The following CDH10 variants were observed in gnomAD, a reference collection of about 807,000 sequenced individuals.
The protein encoded by CDH10 is cadherin 10.
In CDH10, 30 loss-of-function variants were observed where a neutral mutation model predicts 73.1. The observed-to-expected ratio is 0.41, with a 90% confidence interval of 0.31 to 0.56. CDH10 has a LOEUF of 0.56. CDH10 is among the 20% of genes least tolerant of loss of function. CDH10 has a pLI of 0.27. For synonymous variants in CDH10, 345 were observed against 348.2 expected (o/e 0.99, Z 0.10); for missense variants, 815 against 973.7 (o/e 0.84, Z 2.17).
At chr5:24,548,444 A>G (rs560814703) in intron 2 of CDH10, among the ~76,000 whole-genome samples, 4 of 143,628 alleles carry the variant, frequency 2.8e-5, no homozygotes, top group South Asian at 2.2e-4. Context: ...CAGAGCTTCT[A>G]TGCTATAGTC....
At chr5:24,522,405 G>T (rs1376319437) in intron 5 of CDH10, among the ~76,000 whole-genome samples, 6 of 151,988 alleles carry the variant, frequency 3.9e-5, no homozygotes, top group Middle Eastern at 3.2e-3. Context: ...ACCTAGTAAA[G>T]AATGCATTCT....
intron 1 of CDH10, among the ~76,000 whole-genome samples, chr5:24,617,321 C>T (rs770479561): frequency 6.6e-6 from 1 of 152,024 alleles, no homozygotes; most frequent in African/African-American, 2.4e-5. Context: ...AAAATTACCC[C>T]AAATGGAGAA....
At chr5:24,602,153 CACT>C (rs1746586379) in intron 1 of CDH10, among the ~76,000 whole-genome samples, 1 of 152,132 alleles carries the variant, frequency 6.6e-6, no homozygotes, top group Non-Finnish European at 1.5e-5. Context: ...CTAAACTAAT[CACT>C]ACAACAAAAA....
In CDH10 at chr5:24,546,400, A is replaced by G. The variant is rs563403545; in HGVS notation, c.232-8726T>C. 1.6e-3 allele frequency among the ~76,000 whole-genome samples: 242 copies of G among 152,280 alleles called. 1 individual carries two copies. Among genetic ancestry groups the G allele is most frequent in the African/African-American group, 5.4e-3 (224 of 41,554 alleles). ...AAGGGATTGCTCGATTGACTGAGAG[A>G]TATTCATATCTTCATCAGATGAATA... On this transcript the variant is annotated intron_variant, in intron 2 of 11. Coordinates refer to ENST00000264463, the MANE Select transcript of CDH10 (RefSeq NM_006727.5).
In CDH10 at chr5:24,624,527, T is replaced by C. The variant is rs185581319; in HGVS notation, c.-124+20067A>G. Among the ~76,000 whole-genome samples the C allele has an allele frequency of 2.3e-3, 348 of 152,272 alleles. 1 individual carries two copies. The highest frequency in any genetic ancestry group is 8.0e-3 in the African/African-American group (334 of 41,562). Reference sequence around the variant, plus strand: ...CCTAGAAAGTTTCCGTGTCAGAATATGAAATTGCATGGCTAAAGTCTAAAT... The same window carrying C: ...CCTAGAAAGTTTCCGTGTCAGAATACGAAATTGCATGGCTAAAGTCTAAAT... On this transcript the variant is annotated intron_variant, in intron 1 of 11. Transcript: ENST00000264463.
At chr5:24,598,731 C>T (rs1746461136) in intron 1 of CDH10, among the ~76,000 whole-genome samples, 1 of 152,026 alleles carries the variant, frequency 6.6e-6, no homozygotes, top group South Asian at 2.1e-4. Context: ...GAAAGAATCC[C>T]AAGAAGCTCT....
At chr5:24,547,285 A>G (rs944284901) in intron 2 of CDH10, among the ~76,000 whole-genome samples, 1 of 152,212 alleles carries the variant, frequency 6.6e-6, no homozygotes, top group Non-Finnish European at 1.5e-5. Flanking sequence ...CATGTAGAAC[A>G]GCTAAATAAA....
chr5:24,531,322 C>T, intron 5 of CDH10, among the ~76,000 whole-genome samples: 1 of 152,054 alleles, frequency 6.6e-6, no homozygotes, highest in East Asian at 1.9e-4. Flanking sequence ...TATGATTTGT[C>T]TCCCCTGCTT....
intron 7 of CDH10, among the ~76,000 whole-genome samples, chr5:24,508,949 A>C (rs1742795385): frequency 6.6e-6 from 1 of 152,208 alleles, no homozygotes; most frequent in South Asian, 2.1e-4. Flanking sequence ...ACTAGGGATC[A>C]GAACAATAAA....
chr5:24,491,516 T>C lies in CDH10; in HGVS notation c.1876+60A>G, dbSNP rs1579709825. 3 of 1,474,864 alleles carry C rather than the reference T, an allele frequency of 2.0e-6. No individual in the cohort carries two copies. In the East Asian group the frequency reaches 6.9e-5, roughly 34 times the overall value. 91.4% of individuals were successfully genotyped at this position (1,474,864 alleles called of 1,614,324 possible). On this transcript the variant is annotated intron_variant, in intron 11 of 11. Transcript: ENST00000264463. ...GGGGGAGGGATTTTAATAGCCACAATTCTTCAAAATCATACTAAAGAGCCT... is the reference window on the plus strand; with the variant it reads ...GGGGGAGGGATTTTAATAGCCACAACTCTTCAAAATCATACTAAAGAGCCT...
intron 2 of CDH10, among the ~76,000 whole-genome samples, chr5:24,564,158 A>G (rs377114079): frequency 7.2e-5 from 11 of 152,288 alleles, no homozygotes; most frequent in Middle Eastern, 3.4e-3. Context: ...CTATTGGGAC[A>G]CTGCTTTCCC....
intron 1 of CDH10, among the ~76,000 whole-genome samples, chr5:24,619,764 G>T (rs563794376): frequency 6.6e-6 from 1 of 151,994 alleles, no homozygotes; most frequent in Non-Finnish European, 1.5e-5. Flanking sequence ...GTCATGATTG[G>T]GATTAGTACT....
chr5:24,546,165 C>T (rs1343393657), intron 2 of CDH10, among the ~76,000 whole-genome samples: 1 of 151,556 alleles, frequency 6.6e-6, no homozygotes, highest in African/African-American at 2.4e-5. Flanking sequence ...GCTATGAATG[C>T]TATCCTTGAA....
intron 8 of CDH10, among the ~76,000 whole-genome samples, chr5:24,502,073 C>T (rs1161056706): frequency 7.0e-6 from 1 of 143,824 alleles, no homozygotes. Context: ...GTGCCCGCCA[C>T]TACGTCCGGC....
At chr5:24,527,217 A>C (rs2111841406) in intron 5 of CDH10, among the ~76,000 whole-genome samples, 1 of 148,590 alleles carries the variant, frequency 6.7e-6, no homozygotes, top group South Asian at 2.1e-4. Context: ...GGATGAATAT[A>C]AGTATATATA....
chr5:24,600,732 T>C (rs1406542981), intron 1 of CDH10, among the ~76,000 whole-genome samples: 1 of 152,064 alleles, frequency 6.6e-6, no homozygotes, highest in African/African-American at 2.4e-5. Context: ...TAATGGGTCA[T>C]AGGTATGTAA....
At chr5:24,639,931 C>T (rs1408817424) in intron 1 of CDH10, among the ~76,000 whole-genome samples, 2 of 151,726 alleles carry the variant, frequency 1.3e-5, no homozygotes, top group Non-Finnish European at 3.0e-5. Flanking sequence ...GCTGAATTCC[C>T]ACACTTGGCT....
intron 1 of CDH10, among the ~76,000 whole-genome samples, chr5:24,628,358 T>A (rs1425094213): frequency 6.6e-6 from 1 of 152,158 alleles, no homozygotes; most frequent in African/African-American, 2.4e-5. Flanking sequence ...TTTAAAGCTA[T>A]CTTCACTGGA....
chr5:24,633,394 AT>A (rs1285313631), intron 1 of CDH10, among the ~76,000 whole-genome samples: 18 of 152,038 alleles, frequency 1.2e-4, no homozygotes, highest in South Asian at 2.1e-4. Context: ...TATAAAAAAA[AT>A]GTAAACAAAT....
Sources: allele counts gnomAD v4.1 joint callset (sites outside exome capture counted in the v4.1 genomes callset), GRCh38; gene constraint gnomAD v4.1.1; transcripts MANE v1.5; gene names NCBI Gene and HGNC (gene_info 2026-07-23, HGNC 2026-07-21).